NRXN1: variants seen among roughly 807,000 people sequenced by gnomAD.
NRXN1 encodes neurexin 1.
A neutral mutation model predicts 150.9 loss-of-function variants in NRXN1; 39 were observed. That is an observed-to-expected ratio of 0.26 (90% CI 0.20 to 0.34). The LOEUF (loss-of-function observed/expected upper bound fraction) is 0.34, where lower values mean the gene tolerates loss of function less well. NRXN1 is among the 10% of genes least tolerant of loss of function. NRXN1 has a pLI of 1.00. For missense variants in NRXN1, 1,815 were observed against 1,949.9 expected (o/e 0.93, Z 1.30); for synonymous variants, 924 against 757.0 (o/e 1.22, Z -3.62).
chr2:50,667,383 G>C (rs190281238), intron 5 of NRXN1, among the ~76,000 whole-genome samples: 154 of 151,994 alleles, frequency 1.0e-3, no homozygotes, highest in Non-Finnish European at 1.8e-3. Context: ...CAAATTATTA[G>C]AAGGACATAA....
intron 5 of NRXN1, among the ~76,000 whole-genome samples, chr2:50,657,482 C>T (rs1686661556): frequency 2.0e-5 from 3 of 151,970 alleles, no homozygotes; most frequent in African/African-American, 7.2e-5. Context: ...TGACAGAGGA[C>T]AGGGATCTTC....
intron 5 of NRXN1, among the ~76,000 whole-genome samples, chr2:50,793,718 T>C (rs553388872): frequency 6.0e-4 from 92 of 152,192 alleles, no homozygotes; most frequent in African/African-American, 1.8e-3. Context: ...AGAATAGCCA[T>C]TGAATGATAG....
chr2:50,172,112 A>T (rs2060066634), intron 18 of NRXN1, among the ~76,000 whole-genome samples: 1 of 152,176 alleles, frequency 6.6e-6, no homozygotes, highest in Non-Finnish European at 1.5e-5. Flanking sequence ...TATGAACAGA[A>T]GATAATGGGG....
chr2:50,904,161 T>G (rs2103990156), intron 5 of NRXN1, among the ~76,000 whole-genome samples: 1 of 152,242 alleles, frequency 6.6e-6, no homozygotes, highest in South Asian at 2.1e-4. Flanking sequence ...TCTGTGAAAT[T>G]TAGAACTGAA....
chr2:49,928,405 C>T (rs978891703), intron 22 of NRXN1, among the ~76,000 whole-genome samples: 1 of 151,972 alleles, frequency 6.6e-6, no homozygotes, highest in Non-Finnish European at 1.5e-5. Flanking sequence ...GAAAGAGTTG[C>T]CTAAAATGAT....
At chr2:50,367,573 G>T (rs2079678946) in intron 17 of NRXN1, among the ~76,000 whole-genome samples, 2 of 151,962 alleles carry the variant, frequency 1.3e-5, no homozygotes, top group South Asian at 4.1e-4. Context: ...CTAAATTGAG[G>T]AAACAAGTCT....
At chr2:50,011,593 T>C (rs1235060051) in intron 21 of NRXN1, among the ~76,000 whole-genome samples, 1 of 152,104 alleles carries the variant, frequency 6.6e-6, no homozygotes, top group African/African-American at 2.4e-5. Context: ...GCTAGATTTA[T>C]ATTTATATAA....
chr2:50,270,992 T>G (rs567768322), intron 17 of NRXN1, among the ~76,000 whole-genome samples: 1 of 152,296 alleles, frequency 6.6e-6, no homozygotes, highest in East Asian at 1.9e-4. Context: ...TAATTGTCTT[T>G]CAAATACTCA....
intron 2 of NRXN1, among the ~76,000 whole-genome samples, chr2:51,013,859 C>A (rs1362908798): frequency 6.6e-6 from 1 of 152,032 alleles, no homozygotes; most frequent in Admixed American, 6.6e-5. Context: ...ACTACCACTG[C>A]CAGTTTTCCT....
chr2:50,444,880 ATTGT>A (rs1373696711), intron 17 of NRXN1, among the ~76,000 whole-genome samples: 1 of 152,068 alleles, frequency 6.6e-6, no homozygotes, highest in Admixed American at 6.6e-5. Flanking sequence ...CATTATTCAG[ATTGT>A]TTTTTTCAAA....
At chr2:50,247,539 TCA>T (rs1374065086) in intron 17 of NRXN1, among the ~76,000 whole-genome samples, 3 of 152,070 alleles carry the variant, frequency 2.0e-5, no homozygotes, top group Admixed American at 6.6e-5. Context: ...TGGCAAAAAT[TCA>T]CAGTCTCAGT....
At chr2:50,467,304 G>A (rs1423269989) in intron 16 of NRXN1, among the ~76,000 whole-genome samples, 1 of 151,474 alleles carries the variant, frequency 6.6e-6, no homozygotes, top group Admixed American at 6.6e-5. Flanking sequence ...AGGGTGAAAA[G>A]GGAATACAGT....
intron 17 of NRXN1, among the ~76,000 whole-genome samples, chr2:50,364,874 T>C (rs2079478581): frequency 6.6e-6 from 1 of 152,044 alleles, no homozygotes; most frequent in Non-Finnish European, 1.5e-5. Context: ...GTAATACTGA[T>C]TTTTTCAATT....
At chr2:50,418,240 G>A (rs896826497) in intron 17 of NRXN1, among the ~76,000 whole-genome samples, 1 of 151,948 alleles carries the variant, frequency 6.6e-6, no homozygotes, top group African/African-American at 2.4e-5. Context: ...AAAGCAAGCA[G>A]GAATCTCCAC....
intron 17 of NRXN1, among the ~76,000 whole-genome samples, chr2:50,302,038 T>C (rs1286293066): frequency 6.6e-6 from 1 of 152,040 alleles, no homozygotes; most frequent in East Asian, 1.9e-4. Context: ...CTGACAAACA[T>C]GAAGAAATAT....
intron 21 of NRXN1, among the ~76,000 whole-genome samples, chr2:49,985,018 G>A (rs1006352344): frequency 6.6e-6 from 1 of 152,200 alleles, no homozygotes; most frequent in East Asian, 1.9e-4. Context: ...TTAGTGGAGA[G>A]AATGGGGCAG....
At chr2:50,101,424 C>G (rs919311499) in intron 18 of NRXN1, among the ~76,000 whole-genome samples, 1 of 151,952 alleles carries the variant, frequency 6.6e-6, no homozygotes, top group African/African-American at 2.4e-5. Context: ...ATTTCATTTA[C>G]TTGTTATATC....
chr2:50,886,094 T>A (rs1680199558), intron 5 of NRXN1, among the ~76,000 whole-genome samples: 1 of 151,400 alleles, frequency 6.6e-6, no homozygotes, highest in Non-Finnish European at 1.5e-5. Flanking sequence ...GAATCCATTT[T>A]TGTGCTCCTT....
chr2:50,128,221 T>C (rs954965557), intron 18 of NRXN1, among the ~76,000 whole-genome samples: 10 of 152,124 alleles, frequency 6.6e-5, no homozygotes, highest in African/African-American at 2.2e-4. Context: ...TGAGAAGATA[T>C]GAGTTTGTTG....
Sources: gnomAD v4.1 joint callset for allele counts (sites outside exome capture counted in the v4.1 genomes callset) on GRCh38, gnomAD v4.1.1 for gene constraint, MANE v1.5 for transcripts, NCBI Gene and HGNC (gene_info 2026-07-23, HGNC 2026-07-21) for gene names.